CLIC6: variants seen among roughly 807,000 people sequenced by gnomAD.
CLIC6 encodes chloride intracellular channel protein 6.
Under a neutral mutation model 49.2 loss-of-function variants are expected in CLIC6, and 39 were observed. That is an observed-to-expected ratio of 0.79 (90% CI 0.61 to 1.04). The LOEUF is 1.04. CLIC6 is among the 50% of genes least tolerant of loss of function. CLIC6 has a pLI of 0.00. For missense variants in CLIC6, 988 were observed against 993.1 expected (o/e 0.99, Z 0.07); for synonymous variants, 446 against 433.4 (o/e 1.03, Z -0.36).
intron 1 of CLIC6, among the ~76,000 whole-genome samples, chr21:34,688,450 C>T (rs1989925952): frequency 6.6e-6 from 1 of 152,234 alleles, no homozygotes; most frequent in Admixed American, 6.5e-5. Context: ...CCTGGCCTTA[C>T]AGAGAGGCTA....
At chr21:34,694,026 G>T (rs1199634532) in intron 1 of CLIC6, among the ~76,000 whole-genome samples, 1 of 147,552 alleles carries the variant, frequency 6.8e-6, no homozygotes, top group Non-Finnish European at 1.5e-5. Context: ...AGGCTGGAGT[G>T]CAGTGGCACG....
intron 1 of CLIC6, among the ~76,000 whole-genome samples, chr21:34,685,132 G>C (rs11701521): frequency 0.01 from 1,572 of 152,262 alleles, 34 homozygotes; most frequent in African/African-American, 0.036. Context: ...GTGGCAGGGT[G>C]GGGGGTGGTG....
intron 1 of CLIC6, among the ~76,000 whole-genome samples, chr21:34,702,039 A>G (rs13049495): frequency 0.17 from 25,440 of 152,080 alleles, 2,211 homozygotes; most frequent in Non-Finnish European, 0.2. Flanking sequence ...CCCAGGAAAG[A>G]ATGAGCAGGG....
At chr21:34,701,342 T>C (rs1990187508) in intron 1 of CLIC6, among the ~76,000 whole-genome samples, 1 of 147,728 alleles carries the variant, frequency 6.8e-6, no homozygotes, top group African/African-American at 2.5e-5. Flanking sequence ...AAATCAGTGG[T>C]TCTTTAAGGA....
In CLIC6 at chr21:34,670,554, G is replaced by C; in HGVS notation, c.1166G>C (p.Gly389Ala). 6.7e-7 allele frequency: 1 copy of C among 1,500,984 alleles called. No homozygotes were observed. Among genetic ancestry groups the C allele is most frequent in the Non-Finnish European group, 8.9e-7 (1 of 1,125,750 alleles). 93.0% of individuals were successfully genotyped at this position (1,500,984 alleles called of 1,614,324 possible). A position where few individuals can be genotyped will look rare whatever the true frequency, so the allele number is the denominator to read the frequency against. ...CCAAGGGAGGAGGAAGCAGCGGGGG[G>C]CGAAGAGGAATCCCCCGACAGCAGC... The part of the protein sequence containing the change: ...EGPREEEAAG[G>A]EEESPDSSPH... The change falls in exon 1 of 6, where the codon GGC becomes GCC. Residue 389 changes from glycine to alanine, a missense_variant. This residue lies in a region of CLIC6 where 647 missense variants were observed against 596.9 expected (regional missense o/e 1.08). Coordinates refer to ENST00000349499, the MANE Select transcript of CLIC6 (RefSeq NM_053277.3).
chr21:34,707,151 C>A, intron 1 of CLIC6, 129 bp from the exon 2 acceptor site: 1 of 743,796 alleles, frequency 1.3e-6, no homozygotes. Flanking sequence ...GTAAAATGGC[C>A]TCAGGAGGAT....
chr21:34,693,064 G>A (rs1420489894), intron 1 of CLIC6, among the ~76,000 whole-genome samples: 1 of 152,262 alleles, frequency 6.6e-6, no homozygotes, highest in East Asian at 1.9e-4. Context: ...GGCAAAGTAT[G>A]CACCATCTAG....
rs11910186 is a variant in CLIC6 at position 34,707,950 on chromosome 21, C to T, written c.1491C>T (p.Pro497=). 3.0e-5 allele frequency: 48 copies of T among 1,613,994 alleles called. No homozygotes were observed. In the African/African-American group the frequency reaches 4.3e-4, roughly 14 times the overall value. The change falls in exon 3 of 6, where the codon CCC becomes CCT. Residue 497 remains proline (P), a synonymous_variant. Transcript: ENST00000349499. ...GCTGTTTCCTCCCACCTAGGAAACC[C>T]GCAGACCTGCAGAACCTGGCTCCCG... ...NVTTVDLKRK[P]ADLQNLAPGT...
intron 1 of CLIC6, among the ~76,000 whole-genome samples, chr21:34,699,336 C>T (rs950523703): frequency 3.3e-5 from 5 of 151,656 alleles, no homozygotes; most frequent in African/African-American, 9.7e-5. Context: ...ACTGTAGCTT[C>T]GACCTCCTGG....
chr21:34,705,913 T>C (rs969692861), intron 1 of CLIC6: 2 of 500,642 alleles, frequency 4.0e-6, no homozygotes, highest in African/African-American at 3.9e-5. Flanking sequence ...TGTATCACTT[T>C]GGAGGAACAT....
At chr21:34,712,069 C>T (rs2834599) in intron 5 of CLIC6, among the ~76,000 whole-genome samples, 56,279 of 151,980 alleles carry the variant, frequency 0.37, 11,115 homozygotes, top group East Asian at 0.6. Context: ...TGAGAAAAGA[C>T]GATTTTAAAT....
intron 1 of CLIC6, among the ~76,000 whole-genome samples, chr21:34,690,850 A>G (rs1315057792): frequency 1.5e-5 from 2 of 136,236 alleles, no homozygotes; most frequent in Non-Finnish European, 3.1e-5. Flanking sequence ...GAAAGGAGTT[A>G]TAATACATGT....
intron 1 of CLIC6, among the ~76,000 whole-genome samples, chr21:34,686,194 G>T (rs1427939354): frequency 1.5e-4 from 23 of 152,210 alleles, no homozygotes; most frequent in Admixed American, 1.5e-3. Context: ...ACGAGGTCAG[G>T]AGTTCAAGAC....
chr21:34,711,084 G>T (rs1034114002), intron 5 of CLIC6, among the ~76,000 whole-genome samples: 1 of 152,220 alleles, frequency 6.6e-6, no homozygotes, highest in African/African-American at 2.4e-5. Context: ...TCAGGAAGAA[G>T]CCCATGCCTG....
chr21:34,669,714 A>C lies in CLIC6; in HGVS notation c.326A>C (p.Glu109Ala). 7.3e-7 allele frequency: 1 copy of C among 1,369,232 alleles called. No individual in the cohort carries two copies. Among genetic ancestry groups the C allele is most frequent in the Non-Finnish European group, 9.4e-7 (1 of 1,068,872 alleles). 84.8% of individuals were successfully genotyped at this position (1,369,232 alleles called of 1,614,324 possible). ...GEETSGAQQV[E>A]GASPGRGAQG... is the part of the protein sequence containing the mutation. ...GAGACAAGCGGCGCGCAGCAGGTGGAGGGGGCGAGCCCGGGACGCGGCGCG... is the reference window on the plus strand; with the variant it reads ...GAGACAAGCGGCGCGCAGCAGGTGGCGGGGGCGAGCCCGGGACGCGGCGCG... The change falls in exon 1 of 6, where the codon GAG (glutamate) becomes GCG (alanine). Residue 109 changes from glutamate (E) to alanine (A), a missense_variant. By Grantham distance (107) the Glu-to-Ala change is moderately radical (BLOSUM62 -1). Coordinates refer to ENST00000349499, the MANE Select transcript of CLIC6 (RefSeq NM_053277.3).
intron 1 of CLIC6, among the ~76,000 whole-genome samples, chr21:34,676,772 T>C (rs1438671708): frequency 1.3e-5 from 2 of 152,246 alleles, no homozygotes; most frequent in Non-Finnish European, 2.9e-5. Context: ...GATCCTCTGA[T>C]AATGCCTAGT....
At chr21:34,712,922 C>G (rs1039549620) in intron 5 of CLIC6, among the ~76,000 whole-genome samples, 6 of 152,162 alleles carry the variant, frequency 3.9e-5, no homozygotes, top group Admixed American at 2.0e-4. Context: ...AGCCCTAACC[C>G]CAACTCTAAT....
intron 1 of CLIC6, among the ~76,000 whole-genome samples, chr21:34,681,751 GA>G (rs2145801396): frequency 6.6e-6 from 1 of 152,270 alleles, no homozygotes; most frequent in Non-Finnish European, 1.5e-5. Flanking sequence ...CTTTGTCTCA[GA>G]AGTTACATGC....
chr21:34,716,470 AAG>A lies in CLIC6; in HGVS notation c.2051_2052del (p.Arg684AsnfsTer16). The A allele has an allele frequency of 6.2e-7, 1 of 1,610,150 alleles. No individual in the cohort carries two copies. The highest frequency in any genetic ancestry group is 8.5e-7 in the Non-Finnish European group (1 of 1,178,536). ...AACACGCATATTCAGATGTTGCAAA[AAG>A]AATGAAATGAAGCTGGGCTGTTTTC... ...IEHAYSDVAK[R>X]MK On this transcript the variant is annotated frameshift_variant, in exon 6 of 6. Coordinates refer to ENST00000349499, the MANE Select transcript of CLIC6 (RefSeq NM_053277.3). LOFTEE classifies it high-confidence loss of function.
Sources: allele counts gnomAD v4.1 joint callset (sites outside exome capture counted in the v4.1 genomes callset), GRCh38; gene constraint gnomAD v4.1.1; regional missense constraint gnomAD v4.1.1; transcripts MANE v1.5; gene names NCBI Gene and HGNC (gene_info 2026-07-23, HGNC 2026-07-21).